Variants in CRACD observed in about 807,000 individuals in gnomAD.
The protein encoded by CRACD is capping protein inhibiting regulator of actin dynamics.
In CRACD, 56 loss-of-function variants were observed where a neutral mutation model predicts 106.8. That is an observed-to-expected ratio of 0.52 (90% CI 0.42 to 0.66). The LOEUF (loss-of-function observed/expected upper bound fraction) is 0.66, where lower values mean the gene tolerates loss of function less well. Among genes scored for constraint, CRACD ranks in the 30% least tolerant of loss-of-function variants. The pLI, the probability that CRACD is intolerant of heterozygous loss-of-function variation, is 0.00. For missense variants in CRACD, 1,730 were observed against 1,623.2 expected (o/e 1.07, Z -1.13); for synonymous variants, 754 against 670.8 (o/e 1.12, Z -1.92).
chr4:56,126,591 T>G (rs1180953266), intron 1 of CRACD, among the ~76,000 whole-genome samples: 1 of 152,242 alleles, frequency 6.6e-6, no homozygotes, highest in African/African-American at 2.4e-5. Flanking sequence ...AGTTTATATC[T>G]TTGTACTTTG....
At position 56,287,059 on chromosome 4, in the gene CRACD, C is replaced by T. The variant is rs146951962; in HGVS notation, c.-16-11155C>T. 1.6e-3 allele frequency among the ~76,000 whole-genome samples: 237 copies of T among 152,208 alleles called. 4 individuals are homozygous for T. The highest frequency in any genetic ancestry group is 5.1e-3 in the African/African-American group (211 of 41,530). On this transcript the variant is annotated intron_variant, in intron 3 of 10. Transcript: ENST00000682029. Reference sequence around the variant, plus strand: ...CACAGAAACAAGCCCTTCAAAACGCCCTGTATTTTGATGTATTTGCTGCCA... The same window carrying T: ...CACAGAAACAAGCCCTTCAAAACGCTCTGTATTTTGATGTATTTGCTGCCA...
At chr4:56,302,620 C>T (rs1408553336) in intron 4 of CRACD, among the ~76,000 whole-genome samples, 1 of 152,160 alleles carries the variant, frequency 6.6e-6, no homozygotes, top group East Asian at 1.9e-4. Context: ...CTTCCTAGAG[C>T]AGGATGTCTT....
chr4:56,279,870 A>G (rs1742920671), intron 3 of CRACD, among the ~76,000 whole-genome samples: 2 of 152,282 alleles, frequency 1.3e-5, no homozygotes, highest in African/African-American at 4.8e-5. Flanking sequence ...ACTATTCCCA[A>G]TAGCAAAGAC....
At chr4:56,138,234 T>C (rs942128833) in intron 1 of CRACD, among the ~76,000 whole-genome samples, 1 of 151,922 alleles carries the variant, frequency 6.6e-6, no homozygotes, top group South Asian at 2.1e-4. Flanking sequence ...GAGGCTGAGG[T>C]GGATGGATTG....
At chr4:56,203,849 T>C (rs1737999323) in intron 2 of CRACD, among the ~76,000 whole-genome samples, 1 of 152,080 alleles carries the variant, frequency 6.6e-6, no homozygotes, top group African/African-American at 2.4e-5. Context: ...AGCTAGTACC[T>C]CCAATCCTCG....
At chr4:56,119,624 C>T (rs1483165221) in intron 1 of CRACD, among the ~76,000 whole-genome samples, 1 of 152,006 alleles carries the variant, frequency 6.6e-6, no homozygotes, top group African/African-American at 2.4e-5. Context: ...TGTGAGCCAC[C>T]GCACCCAGCC....
intron 1 of CRACD, among the ~76,000 whole-genome samples, chr4:56,085,009 T>C (rs1004020130): frequency 6.6e-6 from 1 of 152,218 alleles, no homozygotes; most frequent in African/African-American, 2.4e-5. Flanking sequence ...GTGATTGAGA[T>C]GTCTGTGGGT....
intron 2 of CRACD, among the ~76,000 whole-genome samples, chr4:56,254,847 G>C (rs1741253839): frequency 6.6e-6 from 1 of 151,608 alleles, no homozygotes; most frequent in Non-Finnish European, 1.5e-5. Flanking sequence ...GCTCACGCCT[G>C]TAATCCCAGC....
chr4:56,193,446 G>A (rs780053753), intron 2 of CRACD, among the ~76,000 whole-genome samples: 17 of 152,134 alleles, frequency 1.1e-4, no homozygotes, highest in Non-Finnish European at 2.5e-4. Flanking sequence ...GCAAAAGAAA[G>A]GGTGTGTGAG....
intron 2 of CRACD, among the ~76,000 whole-genome samples, chr4:56,258,090 A>T (rs572258737): frequency 1.3e-5 from 2 of 152,156 alleles, no homozygotes; most frequent in South Asian, 4.1e-4. Context: ...CAAAAAAAAA[A>T]AAGAAAAAAG....
At chr4:56,054,372 C>T (rs990984151) in intron 1 of CRACD, among the ~76,000 whole-genome samples, 1 of 152,092 alleles carries the variant, frequency 6.6e-6, no homozygotes, top group Non-Finnish European at 1.5e-5. Flanking sequence ...GATGTGGTCT[C>T]TCTCTGTTTC....
chr4:56,217,442 G>T (rs114480438), intron 2 of CRACD, among the ~76,000 whole-genome samples: 3,055 of 152,022 alleles, frequency 0.02, 120 homozygotes, highest in African/African-American at 0.069. Context: ...GGGGTGGGAG[G>T]GGGAGGGATT....
chr4:56,122,631 CATCT>C (rs1734529216), intron 1 of CRACD, among the ~76,000 whole-genome samples: 1 of 152,222 alleles, frequency 6.6e-6, no homozygotes, highest in Non-Finnish European at 1.5e-5. Context: ...CTGCCCCCAA[CATCT>C]ACCACTGTCT....
chr4:56,137,282 A>G (rs1266587481), intron 1 of CRACD, among the ~76,000 whole-genome samples: 1 of 152,178 alleles, frequency 6.6e-6, no homozygotes, highest in Non-Finnish European at 1.5e-5. Context: ...AAAGAAAAAA[A>G]AAAAGAAAAG....
At position 56,315,497 on chromosome 4, in the gene CRACD, C is replaced by A; in HGVS notation, c.1995C>A (p.Leu665=). The change falls in exon 8 of 11, where the codon CTC becomes CTA. Residue 665 remains leucine, a synonymous_variant. Coordinates refer to ENST00000682029, the MANE Select transcript of CRACD (RefSeq NM_001393381.1). This position sits in a 1 kb window ranked among gnomAD's most constrained non-coding sequence, Gnocchi z 4.1. The part of the protein sequence containing the change: ...RQESPSSASA[L]AEWASIRSRI... ...AGTCTCCCAGCAGCGCGTCCGCACT[C>A]GCAGAATGGGCTTCCATTCGGTCCA... 1 of 1,613,492 alleles carries A rather than the reference C, an allele frequency of 6.2e-7. No individual in the cohort carries two copies. Among genetic ancestry groups the A allele is most frequent in the East Asian group, 2.2e-5 (1 of 44,854 alleles).
chr4:56,136,753 A>G (rs562748825), intron 1 of CRACD, among the ~76,000 whole-genome samples: 22 of 152,226 alleles, frequency 1.4e-4, no homozygotes, highest in African/African-American at 5.3e-4. Context: ...AAAAGCTTTT[A>G]ATTTTGAAGT....
intron 2 of CRACD, among the ~76,000 whole-genome samples, chr4:56,243,161 C>T (rs543011888): frequency 4.1e-4 from 63 of 152,328 alleles, no homozygotes; most frequent in Middle Eastern, 3.4e-3. Flanking sequence ...CAGCTAAATT[C>T]TTAACAGTGG....
chr4:56,125,694 G>A (rs1734634237), intron 1 of CRACD, among the ~76,000 whole-genome samples: 1 of 151,754 alleles, frequency 6.6e-6, no homozygotes, highest in Non-Finnish European at 1.5e-5. Context: ...TGGGATTACA[G>A]GTGTGAGCCA....
chr4:56,117,802 G>A (rs188585607), intron 1 of CRACD, among the ~76,000 whole-genome samples: 32 of 152,276 alleles, frequency 2.1e-4, no homozygotes, highest in African/African-American at 7.2e-4. Context: ...CTGCTACCCA[G>A]GCTGGAGTGC....
Sources: allele counts gnomAD v4.1 joint callset (sites outside exome capture counted in the v4.1 genomes callset), GRCh38; gene constraint gnomAD v4.1.1; non-coding constraint Gnocchi (gnomAD v3.1); transcripts MANE v1.5; gene names NCBI Gene and HGNC (gene_info 2026-07-23, HGNC 2026-07-21).